The following C3orf52 variants were observed in gnomAD, a reference collection of about 807,000 sequenced individuals.
The protein encoded by C3orf52 is TPA-induced transmembrane protein.
Under a neutral mutation model 24.8 loss-of-function variants are expected in C3orf52, and 22 were observed. That is an observed-to-expected ratio of 0.89 (90% CI 0.63 to 1.27). The LOEUF (loss-of-function observed/expected upper bound fraction) is 1.27. Ranked by LOEUF, C3orf52 falls within the 50% of genes most tolerant of loss-of-function variation. The pLI, the probability that C3orf52 is intolerant of heterozygous loss-of-function variation, is 0.00. For missense variants in C3orf52, 265 were observed against 260.7 expected, an observed-to-expected ratio of 1.02 and a Z score of -0.11; for synonymous variants, 93 against 100.2, an observed-to-expected ratio of 0.93 and a Z score of 0.43.
At chr3:112,095,253 T>C (rs2073915020) in intron 2 of C3orf52, among the ~76,000 whole-genome samples, 1 of 152,206 alleles carries the variant, frequency 6.6e-6, no homozygotes, top group Non-Finnish European at 1.5e-5. Flanking sequence ...ACAATAGTTT[T>C]GGTGTGAGCA....
downstream of C3orf52, among the ~76,000 whole-genome samples, chr3:112,120,093 T>TGAC (rs1221840807): frequency 2.0e-5 from 3 of 152,232 alleles, no homozygotes; most frequent in Non-Finnish European, 4.4e-5. Flanking sequence ...ATGATGATGA[T>TGAC]GACCTCTCAA....
chr3:112,121,555 T>G, downstream of C3orf52: 1 of 151,342 alleles, frequency 6.6e-6, no homozygotes, highest in East Asian at 2.0e-4. Flanking sequence ...GATCTGTCGC[T>G]GGGTCTACAC....
At chr3:112,096,576 A>G (rs1465037780) in intron 2 of C3orf52, among the ~76,000 whole-genome samples, 1 of 152,240 alleles carries the variant, frequency 6.6e-6, no homozygotes, top group African/African-American at 2.4e-5. Flanking sequence ...AAGTTAATAC[A>G]GTGAAATAAT....
intron 1 of C3orf52, among the ~76,000 whole-genome samples, chr3:112,092,495 G>A (rs1177554358): frequency 6.6e-6 from 1 of 152,158 alleles, no homozygotes; most frequent in East Asian, 1.9e-4. Flanking sequence ...ATAAACCGGA[G>A]CTCTGCACAG....
chr3:112,119,369 C>A, downstream of C3orf52: 1 of 684,062 alleles, frequency 1.5e-6, no homozygotes. Flanking sequence ...GAGTGAAACT[C>A]CATAACAAAC....
chr3:112,123,821 C>G, intron 4 of C3orf52: 1 of 1,568,026 alleles, frequency 6.4e-7, no homozygotes, highest in South Asian at 1.2e-5. Flanking sequence ...CTTGCCATGA[C>G]CTTTACATTT....
intron 2 of C3orf52, among the ~76,000 whole-genome samples, chr3:112,101,325 A>G (rs1010053213): frequency 7.9e-5 from 12 of 152,292 alleles, no homozygotes; most frequent in Admixed American, 3.3e-4. Flanking sequence ...GTTGCACCAG[A>G]CTTGTTTAAT....
chr3:112,136,022 T>G, the C3orf52 span, among the ~76,000 whole-genome samples: 1 of 152,220 alleles, frequency 6.6e-6, no homozygotes, highest in East Asian at 1.9e-4. Flanking sequence ...GCAGTCTCCA[T>G]GCTCAAGTAT....
intron 3 of C3orf52, among the ~76,000 whole-genome samples, chr3:112,105,748 G>C (rs529293604): frequency 2.0e-5 from 3 of 151,288 alleles, no homozygotes; most frequent in Non-Finnish European, 4.4e-5. Flanking sequence ...GTGTGAACCC[G>C]GCAGGCAGAG....
chr3:112,134,232 T>C (rs777708572), downstream of C3orf52: 7 of 152,202 alleles, frequency 4.6e-5, no homozygotes, highest in Non-Finnish European at 1.0e-4. Flanking sequence ...CCATCAACTT[T>C]CAAACCATTC....
At chr3:112,099,426 T>C (rs886916376) in intron 2 of C3orf52, among the ~76,000 whole-genome samples, 6 of 152,208 alleles carry the variant, frequency 3.9e-5, no homozygotes, top group Non-Finnish European at 8.8e-5. Context: ...TTAGTTCTGC[T>C]ACTATCCAAT....
At chr3:112,134,026 A>T (rs558822555), downstream of C3orf52, 17 of 152,488 alleles carry the variant, frequency 1.1e-4, no homozygotes, top group African/African-American at 3.9e-4. Context: ...CAGACAGACA[A>T]GCGGCTGAAC....
chr3:112,101,631 C>G (rs1284999330), intron 2 of C3orf52, among the ~76,000 whole-genome samples: 1 of 152,190 alleles, frequency 6.6e-6, no homozygotes, highest in African/African-American at 2.4e-5. Flanking sequence ...TATATTAACT[C>G]TTTTCTGCAC....
At chr3:112,088,908 C>G (rs4682356) in intron 1 of C3orf52, among the ~76,000 whole-genome samples, 1 of 152,056 alleles carries the variant, frequency 6.6e-6, no homozygotes, top group African/African-American at 2.4e-5. Context: ...GAAGACATCT[C>G]TCTTCTTCCT....
intron 1 of C3orf52, among the ~76,000 whole-genome samples, chr3:112,086,767 C>A (rs1050677797): frequency 2.0e-5 from 3 of 152,208 alleles, no homozygotes; most frequent in African/African-American, 7.2e-5. Flanking sequence ...ACCCCTCTGA[C>A]CCCCGAGGCG....
At chr3:112,130,257 A>G, downstream of C3orf52, 2 of 608,872 alleles carry the variant, frequency 3.3e-6, no homozygotes, top group East Asian at 5.3e-5. Flanking sequence ...GCTTCTAGCA[A>G]AGTAGCATAT....
chr3:112,104,319 C>T (rs557373280), intron 3 of C3orf52, among the ~76,000 whole-genome samples: 1 of 152,266 alleles, frequency 6.6e-6, no homozygotes, highest in African/African-American at 2.4e-5. Context: ...TGGTTCACAG[C>T]CAGACCCAGA....
intron 3 of C3orf52, among the ~76,000 whole-genome samples, chr3:112,108,933 T>C (rs340168): frequency 0.98 from 148,943 of 152,314 alleles, 72,905 homozygotes; most frequent in East Asian, 1. Context: ...ATTAAAGGGC[T>C]GAACCCAATA....
intron 1 of C3orf52, among the ~76,000 whole-genome samples, chr3:112,092,287 G>A (rs2073885324): frequency 6.6e-6 from 1 of 152,200 alleles, no homozygotes; most frequent in Non-Finnish European, 1.5e-5. Context: ...TCAGTAGCTT[G>A]CTTAAAGCCA....
Sources: allele counts gnomAD v4.1 joint callset (sites outside exome capture counted in the v4.1 genomes callset), GRCh38; gene constraint gnomAD v4.1.1; transcripts MANE v1.5; gene names NCBI Gene and HGNC (gene_info 2026-07-23, HGNC 2026-07-21).